Variants in FBXL14 observed in about 807,000 individuals in gnomAD.
The protein encoded by FBXL14 is F-box/LRR-repeat protein 14.
In FBXL14, 11 loss-of-function variants were observed where a neutral mutation model predicts 24.5. The observed-to-expected ratio is 0.45, with a 90% CI of 0.28 to 0.74. The LOEUF (loss-of-function observed/expected upper bound fraction) is 0.74. Ranked by LOEUF, FBXL14 falls within the 30% of genes least tolerant of loss-of-function variation. The pLI, the probability that FBXL14 is intolerant of heterozygous loss-of-function variation, is 0.12. For synonymous variants in FBXL14, 294 were observed against 240.4 expected (o/e 1.22, Z -2.06); for missense variants, 384 against 545.6 (o/e 0.70, Z 2.95).
intron 1 of FBXL14, among the ~76,000 whole-genome samples, chr12:1,568,595 G>GGATATATACTTATGTA (rs2094439997): frequency 6.6e-6 from 1 of 151,978 alleles, no homozygotes; most frequent in Non-Finnish European, 1.5e-5. Flanking sequence ...ATACTTATGT[G>GGATATATACTTATGTA]TAAGGGAAAT....
At position 1,593,985 on chromosome 12, in the gene FBXL14, C is replaced by A. The variant is rs751343296; in HGVS notation, c.82G>T (p.Ala28Ser). 3 of 1,585,214 alleles carry A rather than the reference C, an allele frequency of 1.9e-6. No individual in the cohort carries two copies. The highest frequency in any genetic ancestry group is 2.7e-5 in the African/African-American group (2 of 74,710). Residue 28 changes from alanine to serine, a missense_variant, in exon 1 of 2, where the codon GCG becomes TCG. Coordinates refer to ENST00000339235, the MANE Select transcript of FBXL14 (RefSeq NM_152441.3). The surrounding 1 kb of genome is among the most constrained non-coding windows in gnomAD (Gnocchi z 7.4). The part of the protein sequence containing the change: ...GYLDVRDKGR[A>S]AQVCTAWRDA... ...CGCCAGGCGGTGCACACCTGCGCCG[C>A]GCGCCCCTTGTCCCGGACGTCCAGG...
intron 1 of FBXL14, among the ~76,000 whole-genome samples, chr12:1,575,259 T>C (rs1296304421): frequency 1.3e-5 from 2 of 152,248 alleles, no homozygotes; most frequent in African/African-American, 4.8e-5. Flanking sequence ...CATTTTGAGA[T>C]AAAAGTAGTT....
At position 1,593,431 on chromosome 12, in the gene FBXL14, G is replaced by A; in HGVS notation, c.636C>T (p.Cys212=). 3.7e-6 allele frequency: 6 copies of A among 1,614,028 alleles called. No individual in the cohort carries two copies. The highest frequency in any genetic ancestry group is 5.1e-6 in the Non-Finnish European group (6 of 1,180,022). The change falls in exon 1 of 2, where the codon TGC becomes TGT. Residue 212 remains cysteine, a synonymous_variant. Coordinates refer to ENST00000339235, the MANE Select transcript of FBXL14 (RefSeq NM_152441.3). This position sits in a 1 kb window ranked among gnomAD's most constrained non-coding sequence, Gnocchi z 7.4. ...LGLEQLTLQD[C]QKLTDLSLKH... ...TTAGAGAAAGATCTGTGAGCTTCTG[G>A]CAGTCCTGTAGCGTGAGCTGCTCCA...
chr12:1,593,058 T>G lies in FBXL14; in HGVS notation c.1009A>C (p.Ile337Leu). 6.2e-7 allele frequency: 1 copy of G among 1,612,696 alleles called. No individual in the cohort carries two copies. The highest frequency in any genetic ancestry group is 1.1e-5 in the South Asian group (1 of 91,084). The change falls in exon 1 of 2, where the codon ATT (isoleucine) becomes CTT (leucine). Residue 337 changes from isoleucine to leucine, a missense_variant. By Grantham distance (5) the Ile-to-Leu change is conservative. Transcript: ENST00000339235. The surrounding 1 kb of genome is among the most constrained non-coding windows in gnomAD (Gnocchi z 7.4). The part of the protein sequence containing the change: ...RQMHGLRTLN[I>L]GQCVRITDKG... ...TCCGTGATGCGCACACACTGTCCAA[T>G]GTTGAGCGTGCGCAGCCCGTGCATC...
rs1347464022 is a variant in FBXL14 at position 1,589,453 on chromosome 12, AAAGACAGG to A, written c.1194+3412_1194+3419del. 9.5e-4 allele frequency among the ~76,000 whole-genome samples: 130 copies of A among 136,810 alleles called. 1 individual carries two copies. Among genetic ancestry groups the A allele is most frequent in the African/African-American group, 4.1e-3 (126 of 30,810 alleles). 89.8% of individuals were successfully genotyped at this position (136,810 alleles called of 152,430 possible). On this transcript the variant is annotated intron_variant, in intron 1 of 1. Coordinates refer to ENST00000339235, the MANE Select transcript of FBXL14 (RefSeq NM_152441.3). ...CCTTGTCTCAAAAAAAAAAAAAAAAAAAGACAGGAAGGCAGGAAGACAGGAAGGAAGGG... is the reference window on the plus strand; with the variant it reads ...CCTTGTCTCAAAAAAAAAAAAAAAAAAAGGCAGGAAGACAGGAAGGAAGGG...
intron 1 of FBXL14, among the ~76,000 whole-genome samples, chr12:1,570,583 G>A (rs906213241): frequency 1.3e-5 from 2 of 152,152 alleles, no homozygotes; most frequent in Non-Finnish European, 2.9e-5. Flanking sequence ...GTTCCCTGTA[G>A]GCTCTCCTGG....
rs775602521 is a variant in FBXL14, at chr12:1,593,360, C to T, written c.707G>A (p.Ser236Asn). Residue 236 changes from serine (S) to asparagine (N), a missense_variant, in exon 1 of 2, where the codon AGC becomes AAC. By Grantham distance (46) the Ser-to-Asn change is conservative (BLOSUM62 1). Transcript: ENST00000339235. The surrounding 1 kb of genome is among the most constrained non-coding windows in gnomAD (Gnocchi z 7.4). ...AGCGTCCGAGATTCCCCCACAGAAG[C>T]TGAGGTTGAGGAGCCTCAGGCCCGT... Reference protein sequence around the residue: ...GLTGLRLLNLSFCGGISDAGL... With the variant: ...GLTGLRLLNLNFCGGISDAGL... 6 of 1,613,966 alleles carry T rather than the reference C, an allele frequency of 3.7e-6. No homozygotes were observed. Among genetic ancestry groups the T allele is most frequent in the Non-Finnish European group, 5.1e-6 (6 of 1,180,048 alleles).
chr12:1,583,921 G>GT (rs952021172), intron 1 of FBXL14, among the ~76,000 whole-genome samples: 10 of 152,162 alleles, frequency 6.6e-5, no homozygotes, highest in African/African-American at 2.4e-4. Flanking sequence ...GTGTAAGAGG[G>GT]TTTTTTGTTG....
At chr12:1,591,693 A>T (rs189908313) in intron 1 of FBXL14, among the ~76,000 whole-genome samples, 1 of 152,086 alleles carries the variant, frequency 6.6e-6, no homozygotes, top group East Asian at 1.9e-4. Flanking sequence ...AAACCCACAA[A>T]CTCCCATTTT....
At chr12:1,577,632 G>A (rs1592465674) in intron 1 of FBXL14, among the ~76,000 whole-genome samples, 3 of 152,348 alleles carry the variant, frequency 2.0e-5, no homozygotes, top group East Asian at 1.9e-4. Flanking sequence ...CATGGCTGCC[G>A]GGAGATGCCC....
intron 1 of FBXL14, among the ~76,000 whole-genome samples, chr12:1,592,609 C>T (rs2094493139): frequency 6.6e-6 from 1 of 152,142 alleles, no homozygotes; most frequent in African/African-American, 2.4e-5. Flanking sequence ...GGTGGGTAAG[C>T]AGCAGAGTCC....
At chr12:1,573,371 T>C (rs10848524) in intron 1 of FBXL14, among the ~76,000 whole-genome samples, 111,031 of 152,090 alleles carry the variant, frequency 0.73, 41,230 homozygotes, top group African/African-American at 0.76. Flanking sequence ...AGGCTGGAAC[T>C]AAGGTCTGTT....
intron 1 of FBXL14, 92 bp downstream of exon 1, chr12:1,592,781 C>G: frequency 1.8e-6 from 2 of 1,099,554 alleles, no homozygotes; most frequent in Non-Finnish European, 2.6e-6. Flanking sequence ...ATGATCTGTG[C>G]GTAAGTGTGC....
chr12:1,575,831 G>A (rs897912773), intron 1 of FBXL14, among the ~76,000 whole-genome samples: 1 of 152,186 alleles, frequency 6.6e-6, no homozygotes, highest in Non-Finnish European at 1.5e-5. Flanking sequence ...TTAGGGAACC[G>A]TCTTTGCCTG....
At chr12:1,570,350 C>T (rs1439900606) in intron 1 of FBXL14, among the ~76,000 whole-genome samples, 1 of 152,200 alleles carries the variant, frequency 6.6e-6, no homozygotes, top group Non-Finnish European at 1.5e-5. Context: ...TACAACGGCT[C>T]CTGCCTGTCC....
chr12:1,582,326 G>C (rs532923493), intron 1 of FBXL14, among the ~76,000 whole-genome samples: 2 of 152,302 alleles, frequency 1.3e-5, no homozygotes, highest in South Asian at 4.1e-4. Flanking sequence ...AGCCCTCCCA[G>C]TTCTTCCGAG....
intron 1 of FBXL14, among the ~76,000 whole-genome samples, chr12:1,580,215 GCC>G (rs1445229464): frequency 5.3e-5 from 8 of 152,324 alleles, no homozygotes; most frequent in African/African-American, 1.9e-4. Flanking sequence ...TGAAGTGAAT[GCC>G]TCCAATCTTG....
chr12:1,582,744 T>C (rs1193726451), intron 1 of FBXL14, among the ~76,000 whole-genome samples: 1 of 152,206 alleles, frequency 6.6e-6, no homozygotes, highest in East Asian at 1.9e-4. Flanking sequence ...CTCTAGCCAA[T>C]ACAGCTTGGT....
rs1200625060 is a variant in FBXL14 at position 1,593,292 on chromosome 12, T to TGAGGCTGCG, written c.766_774dup (p.Arg256_Leu258dup). On this transcript the variant is annotated inframe_insertion, in exon 1 of 2. Transcript: ENST00000339235. The surrounding 1 kb of genome is among the most constrained non-coding windows in gnomAD (Gnocchi z 7.4). ...CTGATGTTGTCACAGGAGCGCAGGT[T>TGAGGCTGCG]GAGGCTGCGCAGGCTGCCCATGTGC... 2 of 1,612,922 alleles carry TGAGGCTGCG rather than the reference T, an allele frequency of 1.2e-6. No homozygotes were observed. Among genetic ancestry groups the TGAGGCTGCG allele is most frequent in the Non-Finnish European group, 1.7e-6 (2 of 1,179,816 alleles).
Sources: allele counts gnomAD v4.1 joint callset (sites outside exome capture counted in the v4.1 genomes callset), GRCh38; gene constraint gnomAD v4.1.1; non-coding constraint Gnocchi (gnomAD v3.1); transcripts MANE v1.5; gene names NCBI Gene and HGNC (gene_info 2026-07-23, HGNC 2026-07-21).